GALNT12: variants seen among roughly 807,000 people sequenced by gnomAD.
The protein encoded by GALNT12 is polypeptide N-acetylgalactosaminyltransferase 12.
In GALNT12, 45 loss-of-function variants were observed where a neutral mutation model predicts 55.5. The observed-to-expected ratio is 0.81, with a 90% confidence interval of 0.64 to 1.04. The LOEUF (loss-of-function observed/expected upper bound fraction) is 1.04. Ranked by LOEUF, GALNT12 falls within the 50% of genes least tolerant of loss-of-function variation. The pLI is 0.00. For missense variants in GALNT12, 709 were observed against 754.8 expected (o/e 0.94, Z 0.71); for synonymous variants, 304 against 312.2 (o/e 0.97, Z 0.28).
At chr9:98,813,233 T>C (rs1835530596) in intron 1 of GALNT12, among the ~76,000 whole-genome samples, 1 of 152,266 alleles carries the variant, frequency 6.6e-6, no homozygotes, top group Non-Finnish European at 1.5e-5. Context: ...TATATAATTC[T>C]ACATTGGTAG....
chr9:98,834,360 A>G (rs763552730), intron 4 of GALNT12, among the ~76,000 whole-genome samples: 7 of 152,206 alleles, frequency 4.6e-5, no homozygotes, highest in Admixed American at 2.0e-4. Context: ...ACCTCAGGAG[A>G]TCTGCCCGCC....
intron 9 of GALNT12, among the ~76,000 whole-genome samples, chr9:98,846,789 G>A (rs889054282): frequency 9.9e-5 from 15 of 150,762 alleles, no homozygotes; most frequent in Admixed American, 3.3e-4. Flanking sequence ...ACCGGAAGGC[G>A]GAGGTTGCAG....
At chr9:98,824,541 GT>G (rs1418948514) in intron 2 of GALNT12, among the ~76,000 whole-genome samples, 1 of 152,204 alleles carries the variant, frequency 6.6e-6, no homozygotes. Flanking sequence ...TGTGTGTTCA[GT>G]TACAGGTCAC....
chr9:98,833,630 A>G (rs1221551003), intron 4 of GALNT12, among the ~76,000 whole-genome samples: 1 of 152,208 alleles, frequency 6.6e-6, no homozygotes, highest in Non-Finnish European at 1.5e-5. Context: ...AGAGATGTTA[A>G]GATGGAAGAA....
At chr9:98,814,204 C>T (rs1286722899) in intron 1 of GALNT12, among the ~76,000 whole-genome samples, 1 of 152,002 alleles carries the variant, frequency 6.6e-6, no homozygotes, top group Non-Finnish European at 1.5e-5. Flanking sequence ...GTATGTTCAG[C>T]CCTCCACAAA....
chr9:98,841,910 T>A (rs927208411), intron 7 of GALNT12, among the ~76,000 whole-genome samples: 4 of 151,970 alleles, frequency 2.6e-5, no homozygotes, highest in African/African-American at 4.8e-5. Flanking sequence ...ACTACTGACC[T>A]CAGGTGATCT....
At chr9:98,848,871 G>C in intron 9 of GALNT12, 81 bp from the exon 10 acceptor site, 1 of 1,535,464 alleles carries the variant, frequency 6.5e-7, no homozygotes, top group Admixed American at 1.7e-5. Flanking sequence ...GTAAAAATCA[G>C]ACCCTGATCT....
intron 3 of GALNT12, among the ~76,000 whole-genome samples, chr9:98,828,372 A>C (rs1030985102): frequency 2.0e-5 from 3 of 152,162 alleles, no homozygotes; most frequent in Non-Finnish European, 2.9e-5. Flanking sequence ...CCTGTGATGG[A>C]GCTGGAGATT....
At chr9:98,846,657 C>T (rs1345407925) in intron 9 of GALNT12, among the ~76,000 whole-genome samples, 4 of 151,184 alleles carry the variant, frequency 2.6e-5, no homozygotes, top group African/African-American at 9.8e-5. Flanking sequence ...GCCAGGAGTT[C>T]GAGACCAGCC....
At chr9:98,823,977 A>T (rs989735882) in intron 2 of GALNT12, among the ~76,000 whole-genome samples, 1 of 152,206 alleles carries the variant, frequency 6.6e-6, no homozygotes, top group Non-Finnish European at 1.5e-5. Context: ...GCCTAGCTGA[A>T]GTGAGAGCAG....
intron 3 of GALNT12, among the ~76,000 whole-genome samples, chr9:98,828,985 G>A (rs369436720): frequency 2.1e-3 from 317 of 150,974 alleles, no homozygotes; most frequent in African/African-American, 7.0e-3. Flanking sequence ...GCGTGCCACC[G>A]CACCTGGCTA....
At position 98,837,044 on chromosome 9, in the gene GALNT12, C is replaced by G; in HGVS notation, c.1108C>G (p.Pro370Ala). 6.2e-7 allele frequency: 1 copy of G among 1,614,184 alleles called. No homozygotes were observed. Among genetic ancestry groups the G allele is most frequent in the Non-Finnish European group, 8.5e-7 (1 of 1,180,028 alleles). The change falls in exon 6 of 10, where the codon CCC becomes GCC. Residue 370 changes from proline (P) to alanine (A), a missense_variant. Coordinates refer to ENST00000375011, the MANE Select transcript of GALNT12 (RefSeq NM_024642.5). ...HVGHVFPKQA[P>A]YSRNKALANS... ...TGGCCATGTTTTCCCCAAGCAAGCT[C>G]CCTACTCCCGCAACAAGGCTCTGGC...
Position 98,831,940 on chromosome 9 carries a change from C to T in GALNT12, c.900C>T (p.Ser300=), listed in dbSNP as rs778995802. 1 of 1,613,874 alleles carries T rather than the reference C, an allele frequency of 6.2e-7. No homozygotes were observed. The highest frequency in any genetic ancestry group is 1.7e-5 in the Admixed American group (1 of 59,990). Residue 300 remains serine (S), a synonymous_variant, in exon 4 of 10, where the codon TCC becomes TCT. Coordinates refer to ENST00000375011, the MANE Select transcript of GALNT12 (RefSeq NM_024642.5). ...AGAGGGAGAGGATACGGATGCAATC[C>T]CCCGTCGATGTCATCAGGTCAGGAG... ...VPERERIRMQ[S]PVDVIRSPTM...
At chr9:98,846,196 C>T in intron 9 of GALNT12, 73 bp downstream of exon 9, 9 of 1,563,208 alleles carry the variant, frequency 5.8e-6, no homozygotes, top group Non-Finnish European at 7.9e-6. Context: ...GTCAGACGTT[C>T]TCTCTGGCAT....
At chr9:98,839,526 T>G (rs1289913181) in intron 6 of GALNT12, among the ~76,000 whole-genome samples, 2 of 152,242 alleles carry the variant, frequency 1.3e-5, no homozygotes, top group African/African-American at 4.8e-5. Context: ...AGAACATGAT[T>G]ACATCTAGAA....
At position 98,840,128 on chromosome 9, in the gene GALNT12, G is replaced by A. The variant is rs376441206; in HGVS notation, c.1339G>A (p.Gly447Arg). ...GCCTGAGGACAGGCCTGGCTTCTTC[G>A]GGATGGTGAGTGAGGGTGGTGGGCC... ...HVPEDRPGFFGMLQNKGLTDY... is the reference protein window; with the variant it reads ...HVPEDRPGFFRMLQNKGLTDY... Residue 447 changes from glycine to arginine, a missense_variant, in exon 7 of 10, where the codon GGG (glycine) becomes AGG (arginine). By Grantham distance (125) the Gly-to-Arg change is moderately radical. Coordinates refer to ENST00000375011, the MANE Select transcript of GALNT12 (RefSeq NM_024642.5). The A allele has an allele frequency of 1.0e-4, 166 of 1,613,240 alleles. No homozygotes were observed. Among genetic ancestry groups the A allele is most frequent in the Admixed American group, 7.2e-4 (43 of 59,986 alleles).
At chr9:98,825,624 G>A (rs1465636972) in intron 2 of GALNT12, among the ~76,000 whole-genome samples, 1 of 152,206 alleles carries the variant, frequency 6.6e-6, no homozygotes, top group African/African-American at 2.4e-5. Flanking sequence ...AGCTTTGCTT[G>A]CAAAATTACC....
chr9:98,816,472 A>C (rs2118309391), intron 1 of GALNT12, among the ~76,000 whole-genome samples: 1 of 151,982 alleles, frequency 6.6e-6, no homozygotes, highest in African/African-American at 2.4e-5. Flanking sequence ...AGACTAAAGG[A>C]TTGTTCTCTA....
intron 7 of GALNT12, among the ~76,000 whole-genome samples, chr9:98,842,098 T>C (rs1171278388): frequency 6.6e-6 from 1 of 152,184 alleles, no homozygotes; most frequent in Non-Finnish European, 1.5e-5. Context: ...GGCTCATTGT[T>C]TTTTTTGGCT....
Sources: allele counts gnomAD v4.1 joint callset (sites outside exome capture counted in the v4.1 genomes callset), GRCh38; gene constraint gnomAD v4.1.1; transcripts MANE v1.5; gene names NCBI Gene and HGNC (gene_info 2026-07-23, HGNC 2026-07-21).